The following MACF1 variants were observed in gnomAD, a reference collection of about 807,000 sequenced individuals.
MACF1 encodes the protein microtubule actin crosslinking factor 1, also known as microtubule-actin cross-linking factor 1.
Under a neutral mutation model 854.8 loss-of-function variants are expected in MACF1, and 193 were observed. That is an observed-to-expected ratio of 0.23 (90% CI 0.20 to 0.25). The LOEUF (loss-of-function observed/expected upper bound fraction) is 0.25, where lower values mean the gene tolerates loss of function less well. Among genes scored for constraint, MACF1 ranks in the 10% least tolerant of loss-of-function variants. The pLI is 1.00. For synonymous variants in MACF1, 3,185 were observed against 3,226.7 expected (o/e 0.99, Z 0.44); for missense variants, 7,722 against 8,929.1 (o/e 0.86, Z 5.45).
intron 97 of MACF1, among the ~76,000 whole-genome samples, chr1:39,470,523 G>A (rs1253663602): frequency 6.6e-6 from 1 of 152,156 alleles, no homozygotes; most frequent in East Asian, 1.9e-4. Flanking sequence ...ACACACCTGT[G>A]TAGTCCTAAC....
chr1:39,293,351 A>T, intron 17 of MACF1, 107 bp from the exon 18 acceptor site: 2 of 1,063,290 alleles, frequency 1.9e-6, no homozygotes, highest in Non-Finnish European at 2.7e-6. Flanking sequence ...TCCAGAGATT[A>T]AGAGCAAATT....
intron 80 of MACF1, among the ~76,000 whole-genome samples, chr1:39,445,751 G>A (rs1446109872): frequency 6.6e-6 from 1 of 152,098 alleles, no homozygotes; most frequent in African/African-American, 2.4e-5. Flanking sequence ...TTAACACCAG[G>A]AGTTTGAGAC....
intron 99 of MACF1, among the ~76,000 whole-genome samples, chr1:39,482,816 C>T (rs2995515): frequency 1.6e-5 from 1 of 64,496 alleles, no homozygotes; most frequent in South Asian, 6.0e-4. Flanking sequence ...AAAAAAAAAA[C>T]CCCACACAGA....
chr1:39,301,981 C>CTATTTATTTATTTATT (rs139531559), intron 22 of MACF1, among the ~76,000 whole-genome samples: 4,202 of 150,970 alleles, frequency 0.028, 98 homozygotes, highest in African/African-American at 0.063. Context: ...ACCACTGTAC[C>CTATTTATTTATTTATT]TATTTATTTA....
chr1:39,248,685 A>G (rs552104610), intron 2 of MACF1, among the ~76,000 whole-genome samples: 47 of 152,300 alleles, frequency 3.1e-4, no homozygotes, highest in African/African-American at 6.3e-4. Flanking sequence ...TTAAAAATCA[A>G]TCTTCCTTAT....
intron 97 of MACF1, among the ~76,000 whole-genome samples, chr1:39,471,732 A>C (rs1644781624): frequency 6.6e-6 from 1 of 152,154 alleles, no homozygotes; most frequent in South Asian, 2.1e-4. Flanking sequence ...TATGTTTTTG[A>C]TCATTAGACA....
intron 49 of MACF1, among the ~76,000 whole-genome samples, chr1:39,366,790 G>C (rs917732900): frequency 6.7e-6 from 1 of 149,366 alleles, no homozygotes; most frequent in Non-Finnish European, 1.5e-5. Flanking sequence ...CGCCTCCTGG[G>C]TTCCAGCAAT....
At chr1:39,233,074 G>A (rs1451195751) in intron 2 of MACF1, among the ~76,000 whole-genome samples, 1 of 151,822 alleles carries the variant, frequency 6.6e-6, no homozygotes, top group South Asian at 2.1e-4. Flanking sequence ...CACTCTTGTT[G>A]CCCAGGCTGG....
In MACF1 at chr1:39,331,238, C is replaced by T; in HGVS notation, c.4650C>T (p.Gly1550=). Residue 1550 remains glycine, a synonymous_variant, in exon 37 of 101, where the codon GGC becomes GGT. Transcript: ENST00000564288. ...CRAVAGVIDL[G]TVEIFPIFKA... ...CAGTTGCTGGGGTGATTGACCTAGG[C>T]ACAGTGGAGATATTTCCCATCTTCA... 1 of 1,588,058 alleles carries T rather than the reference C, an allele frequency of 6.3e-7. No individual in the cohort carries two copies. The highest frequency in any genetic ancestry group is 1.1e-5 in the South Asian group (1 of 90,506).
At chr1:39,161,961 G>A (rs1643807687) in intron 2 of MACF1, among the ~76,000 whole-genome samples, 1 of 151,908 alleles carries the variant, frequency 6.6e-6, no homozygotes, top group African/African-American at 2.4e-5. Flanking sequence ...TACTCAGGAG[G>A]CTGAGGTGGG....
At chr1:39,319,918 T>C (rs553190747) in intron 31 of MACF1, among the ~76,000 whole-genome samples, 171 bp downstream of exon 31, 3 of 152,334 alleles carry the variant, frequency 2.0e-5, no homozygotes, top group Admixed American at 2.0e-4. Context: ...TGTTTGGGGT[T>C]GCTTGGAGAA....
At chr1:39,140,101 A>T (rs959024744) in intron 2 of MACF1, among the ~76,000 whole-genome samples, 2 of 152,056 alleles carry the variant, frequency 1.3e-5, no homozygotes, top group Non-Finnish European at 1.5e-5. Flanking sequence ...CTATAGGTGT[A>T]TGCCACTACA....
At position 39,341,050 on chromosome 1, in the gene MACF1, T is replaced by TG. The variant is rs1215345150; in HGVS notation, c.10581+97_10581+98insG. The TG allele has an allele frequency of 4.6e-6, 5 of 1,092,402 alleles. No homozygotes were observed. In the African/African-American group the frequency reaches 8.0e-5, roughly 17 times the overall value. The allele number at this position is 1,092,402 out of a possible 1,614,324, so 67.7% of individuals were successfully genotyped here. ...CCATATTTATCTTTTTTTTTTTTTT[T>TG]TGAGACGGAGTCTTGCTCTGTCACC... On this transcript the variant is annotated intron_variant, in intron 40 of 100. Coordinates refer to ENST00000564288, the MANE Select transcript of MACF1 (RefSeq NM_001394062.1).
chr1:39,133,534 TCTCCTC>T (rs559873975), intron 2 of MACF1, among the ~76,000 whole-genome samples: 13 of 151,998 alleles, frequency 8.6e-5, no homozygotes, highest in South Asian at 2.1e-4. Context: ...CCTCATCCTT[TCTCCTC>T]CTCCTCCTCC....
intron 95 of MACF1, 72 bp downstream of exon 95, chr1:39,465,184 CT>C: frequency 6.9e-7 from 1 of 1,457,746 alleles, no homozygotes; most frequent in Non-Finnish European, 9.6e-7. Context: ...CTGTTCTTCG[CT>C]ATGGGGAGAG....
In MACF1 at chr1:39,191,535, C is replaced by T. The variant is rs190423407; in HGVS notation, c.221-39647C>T. 2.4e-3 allele frequency among the ~76,000 whole-genome samples: 373 copies of T among 152,294 alleles called. 3 individuals are homozygous for T. The highest frequency in any genetic ancestry group is 8.4e-3 in the African/African-American group (351 of 41,562). On this transcript the variant is annotated intron_variant, in intron 2 of 93. Coordinates refer to the MACF1 transcript ENST00000361689. ...AACAGATGCTGTCGTTTTCCTCATC[C>T]ACTACTTGGGACACCTAAGGATGGA...
chr1:39,214,149 C>A (rs747036602), intron 1 of MACF1, among the ~76,000 whole-genome samples: 12 of 152,140 alleles, frequency 7.9e-5, no homozygotes, highest in Non-Finnish European at 1.8e-4. Flanking sequence ...AGAAGTCGTT[C>A]TATTTAGGGA....
chr1:39,138,725 C>T lies in MACF1; in HGVS notation c.220+54287C>T, dbSNP rs549239906. Among the ~76,000 whole-genome samples the T allele has an allele frequency of 6.2e-4, 94 of 150,660 alleles. 1 individual carries two copies. Among genetic ancestry groups the T allele is most frequent in the African/African-American group, 2.2e-3 (90 of 41,078 alleles). On this transcript the variant is annotated intron_variant, in intron 2 of 93. Coordinates refer to the MACF1 transcript ENST00000361689. ...TGTCACCCACGCTGTAGTGCAATGGCGCAATCTCAGCTCACTGCAACCTCC... is the reference window on the plus strand; with the variant it reads ...TGTCACCCACGCTGTAGTGCAATGGTGCAATCTCAGCTCACTGCAACCTCC...
chr1:39,406,924 TC>T (rs1274420200), intron 58 of MACF1, among the ~76,000 whole-genome samples: 6 of 152,222 alleles, frequency 3.9e-5, no homozygotes, highest in African/African-American at 1.4e-4. Context: ...GATCTTTCCT[TC>T]CCTGAGTTTT....
Sources: allele counts gnomAD v4.1 joint callset (sites outside exome capture counted in the v4.1 genomes callset), GRCh38; gene constraint gnomAD v4.1.1; transcripts MANE v1.5; gene names NCBI Gene and HGNC (gene_info 2026-07-23, HGNC 2026-07-21).